The following RFTN1 variants were observed in gnomAD, a reference collection of about 807,000 sequenced individuals.
The protein encoded by RFTN1 is raftlin.
In RFTN1, 26 loss-of-function variants were observed where a neutral mutation model predicts 46.5. That is an observed-to-expected ratio of 0.56 (90% CI 0.41 to 0.78). The LOEUF (loss-of-function observed/expected upper bound fraction) is 0.78. RFTN1 is among the 30% of genes least tolerant of loss of function. The pLI is 0.00. For synonymous variants in RFTN1, 261 were observed against 284.2 expected (o/e 0.92, Z 0.82); for missense variants, 693 against 718.7 (o/e 0.96, Z 0.41).
intron 2 of RFTN1, among the ~76,000 whole-genome samples, chr3:16,463,461 A>T (rs2076040177): frequency 6.6e-6 from 1 of 152,190 alleles, no homozygotes; most frequent in African/African-American, 2.4e-5. Flanking sequence ...TCTCTCTGTT[A>T]AAACCCTATC....
chr3:16,496,884 A>G (rs1041199838), intron 1 of RFTN1, among the ~76,000 whole-genome samples: 1 of 152,224 alleles, frequency 6.6e-6, no homozygotes, highest in Non-Finnish European at 1.5e-5. Context: ...ATGAAATATT[A>G]TAAAGCAACG....
rs2075183075 is a variant in RFTN1, at chr3:16,421,501, G to A, written c.333-12018C>T. The stretch of plus-strand genomic sequence containing the variant: ...GGAGTAGCTGGGACTACAGGTGCAT[G>A]CCACCATGCCCAGCTAATTTTTGTA... On this transcript the variant is annotated intron_variant, in intron 3 of 9. Coordinates refer to ENST00000334133, the MANE Select transcript of RFTN1 (RefSeq NM_015150.2). The surrounding 1 kb of genome is among the most constrained non-coding windows in gnomAD (Gnocchi z 4.6). 6.6e-6 allele frequency among the ~76,000 whole-genome samples: 1 copy of A among 152,054 alleles called. No homozygotes were observed. The highest frequency in any genetic ancestry group is 1.5e-5 in the Non-Finnish European group (1 of 67,998).
chr3:16,493,603 C>G, intron 2 of RFTN1, 122 bp downstream of exon 2: 1 of 923,546 alleles, frequency 1.1e-6, no homozygotes, highest in Admixed American at 2.4e-5. Flanking sequence ...TTGAGACAGG[C>G]CTGCCCTTTT....
Position 16,387,573 on chromosome 3 carries a change from TCTCTC to T in RFTN1, c.442-9476_442-9472del, listed in dbSNP as rs1559314893. On this transcript the variant is annotated intron_variant, in intron 4 of 9. Transcript: ENST00000334133. This position sits in a 1 kb window ranked among gnomAD's most constrained non-coding sequence, Gnocchi z 5.2. Reference sequence around the variant, plus strand: ...TTCTCTCTTCTATATCCTCAATTTCTCTCTCTCTCTCTCTCTCTCTCTCTCTCTCT... The same window carrying T: ...TTCTCTCTTCTATATCCTCAATTTCTTCTCTCTCTCTCTCTCTCTCTCTCT... Among the ~76,000 whole-genome samples, 6 of 38,948 alleles carry T rather than the reference TCTCTC, an allele frequency of 1.5e-4. No individual in the cohort carries two copies. Among genetic ancestry groups the T allele is most frequent in the Non-Finnish European group, 3.4e-4 (5 of 14,728 alleles). 25.6% of individuals were successfully genotyped at this position (38,948 alleles called of 152,430 possible).
intron 6 of RFTN1, among the ~76,000 whole-genome samples, chr3:16,364,703 G>A (rs746113140): frequency 3.3e-5 from 5 of 152,188 alleles, no homozygotes; most frequent in Non-Finnish European, 7.3e-5. Flanking sequence ...GCTAAGTTAC[G>A]TATATAGCTG....
At chr3:16,455,067 C>G (rs1039156417) in intron 2 of RFTN1, among the ~76,000 whole-genome samples, 1 of 152,282 alleles carries the variant, frequency 6.6e-6, no homozygotes, top group African/African-American at 2.4e-5. Flanking sequence ...TGAGGGCTGG[C>G]GGCCAGCAAC....
intron 2 of RFTN1, among the ~76,000 whole-genome samples, chr3:16,470,963 A>T (rs1310779689): frequency 6.6e-6 from 1 of 152,240 alleles, no homozygotes; most frequent in South Asian, 2.1e-4. Context: ...TGTCCAACCT[A>T]CCTCACAGAG....
chr3:16,467,096 G>T (rs921690279), intron 2 of RFTN1, among the ~76,000 whole-genome samples: 9 of 152,186 alleles, frequency 5.9e-5, no homozygotes, highest in Admixed American at 5.2e-4. Flanking sequence ...AACAAAAAGG[G>T]GGGTGAGGGT....
intron 4 of RFTN1, among the ~76,000 whole-genome samples, chr3:16,397,363 G>A (rs1429154140): frequency 2.0e-5 from 3 of 152,194 alleles, no homozygotes; most frequent in African/African-American, 7.2e-5. Context: ...ATGGGGAGAT[G>A]TAGGTCAAAG....
At position 16,507,030 on chromosome 3, in the gene RFTN1, G is replaced by T. The variant is rs2076818076; in HGVS notation, c.-9+6412C>A. 6.6e-6 allele frequency among the ~76,000 whole-genome samples: 1 copy of T among 152,170 alleles called. No individual in the cohort carries two copies. The highest frequency in any genetic ancestry group is 2.4e-5 in the African/African-American group (1 of 41,436). On this transcript the variant is annotated intron_variant, in intron 1 of 9. Transcript: ENST00000334133. The surrounding 1 kb of genome is among the most constrained non-coding windows in gnomAD (Gnocchi z 7.1). ...AGACTGACTAGGTTCAAATCCTGCT[G>T]CCCTTATTTCCTACCTGTGTGACCT...
intron 6 of RFTN1, among the ~76,000 whole-genome samples, chr3:16,365,315 G>A (rs1489668083): frequency 6.6e-6 from 1 of 152,126 alleles, no homozygotes; most frequent in Non-Finnish European, 1.5e-5. Flanking sequence ...TGGCATTATT[G>A]AGCATCATCC....
chr3:16,483,681 A>G lies in RFTN1; in HGVS notation c.145+10044T>C, dbSNP rs1347080516. 1.3e-5 allele frequency among the ~76,000 whole-genome samples: 2 copies of G among 152,218 alleles called. No individual in the cohort carries two copies. The highest frequency in any genetic ancestry group is 2.9e-5 in the Non-Finnish European group (2 of 68,042). On this transcript the variant is annotated intron_variant, in intron 2 of 9. Transcript: ENST00000334133. This position sits in a 1 kb window ranked among gnomAD's most constrained non-coding sequence, Gnocchi z 4.8. ...ATTTGGTCATAATACATAGGTAGGT[A>G]AGTAAACATTTGTTGAATTTATTTT...
At position 16,413,677 on chromosome 3, in the gene RFTN1, C is replaced by T. The variant is rs1422707696; in HGVS notation, c.333-4194G>A. 6.6e-6 allele frequency among the ~76,000 whole-genome samples: 1 copy of T among 152,182 alleles called. No individual in the cohort carries two copies. Among genetic ancestry groups the T allele is most frequent in the African/African-American group, 2.4e-5 (1 of 41,434 alleles). ...AACTAACAGCAAAAGCCCCCCCAAC[C>T]TACTTTATCTGGAAATTAACACTAA... is the stretch of plus-strand genomic sequence containing the variant. On this transcript the variant is annotated intron_variant, in intron 3 of 9. Transcript: ENST00000334133. This position sits in a 1 kb window ranked among gnomAD's most constrained non-coding sequence, Gnocchi z 4.7.
rs1196604517 is a variant in RFTN1 at position 16,387,792 on chromosome 3, C to T, written c.442-9690G>A. 9.2e-5 allele frequency among the ~76,000 whole-genome samples: 14 copies of T among 152,148 alleles called. No homozygotes were observed. The highest frequency in any genetic ancestry group is 9.2e-4 in the Admixed American group (14 of 15,274). On this transcript the variant is annotated intron_variant, in intron 4 of 9. Coordinates refer to ENST00000334133, the MANE Select transcript of RFTN1 (RefSeq NM_015150.2). The surrounding 1 kb of genome is among the most constrained non-coding windows in gnomAD (Gnocchi z 5.2). ...CTGCCTCCTCACCGGCAGCTCCCCACAGCCCTCCTGTCACCTCCATGACGC... is the reference window on the plus strand; with the variant it reads ...CTGCCTCCTCACCGGCAGCTCCCCATAGCCCTCCTGTCACCTCCATGACGC...
intron 2 of RFTN1, among the ~76,000 whole-genome samples, chr3:16,445,175 G>C (rs1020591901): frequency 1.3e-5 from 2 of 152,144 alleles, no homozygotes; most frequent in African/African-American, 4.8e-5. Flanking sequence ...CAAGCTCTTA[G>C]AGAAAACATA....
chr3:16,419,127 A>G (rs2075138853), intron 3 of RFTN1, among the ~76,000 whole-genome samples: 1 of 152,226 alleles, frequency 6.6e-6, no homozygotes, highest in Non-Finnish European at 1.5e-5. Context: ...GAAATAATAA[A>G]TAGGTCAGTT....
At chr3:16,391,574 A>G (rs986411788) in intron 4 of RFTN1, among the ~76,000 whole-genome samples, 2 of 152,222 alleles carry the variant, frequency 1.3e-5, no homozygotes, top group Non-Finnish European at 2.9e-5. Flanking sequence ...TTGAGCTCCA[A>G]TTACAGTTGT....
chr3:16,454,267 T>C (rs1368481351), intron 2 of RFTN1, among the ~76,000 whole-genome samples: 4 of 152,214 alleles, frequency 2.6e-5, no homozygotes, highest in African/African-American at 9.7e-5. Flanking sequence ...CCCACATTGG[T>C]CTTATCAATT....
At chr3:16,360,238 C>A (rs2072745598) in intron 6 of RFTN1, among the ~76,000 whole-genome samples, 1 of 151,726 alleles carries the variant, frequency 6.6e-6, no homozygotes, top group South Asian at 2.1e-4. Flanking sequence ...ATGGCACAAT[C>A]ACGGCTCACT....
Sources: gnomAD v4.1 joint callset for allele counts (sites outside exome capture counted in the v4.1 genomes callset) on GRCh38, gnomAD v4.1.1 for gene constraint, Gnocchi (gnomAD v3.1) non-coding constraint, MANE v1.5 for transcripts, NCBI Gene and HGNC (gene_info 2026-07-23, HGNC 2026-07-21) for gene names.